DLGAP2: variants seen among roughly 807,000 people sequenced by gnomAD.
DLGAP2 encodes disks large-associated protein 2.
A neutral mutation model predicts 100.3 loss-of-function variants in DLGAP2; 26 were observed. The ratio of observed to expected loss-of-function variants is 0.26; its 90% CI spans 0.19 to 0.36. DLGAP2 has a LOEUF of 0.36. Among genes scored for constraint, DLGAP2 ranks in the 10% least tolerant of loss-of-function variants. DLGAP2 has a pLI of 1.00. For missense variants in DLGAP2, 1,858 were observed against 1,453.2 expected (o/e 1.28, Z -4.53); for synonymous variants, 886 against 630.1 (o/e 1.41, Z -6.08).
At chr8:1,071,149 C>G (rs1404116320) in intron 2 of DLGAP2, among the ~76,000 whole-genome samples, 4 of 152,182 alleles carry the variant, frequency 2.6e-5, no homozygotes, top group African/African-American at 7.2e-5. Context: ...AGCCCAGCTG[C>G]CGAGCGGAAG....
At chr8:1,410,297 G>T (rs950627944) in intron 3 of DLGAP2, among the ~76,000 whole-genome samples, 1 of 152,190 alleles carries the variant, frequency 6.6e-6, no homozygotes, top group Non-Finnish European at 1.5e-5. Context: ...GACACGGAAG[G>T]TAACATTCAC....
At chr8:1,323,915 A>T (rs983187416) in intron 3 of DLGAP2, among the ~76,000 whole-genome samples, 1 of 152,162 alleles carries the variant, frequency 6.6e-6, no homozygotes, top group East Asian at 1.9e-4. Context: ...TTTATTATTT[A>T]TGCTCTGCCT....
At chr8:799,492 A>G (rs1048441839) in intron 1 of DLGAP2, among the ~76,000 whole-genome samples, 1 of 152,178 alleles carries the variant, frequency 6.6e-6, no homozygotes, top group Non-Finnish European at 1.5e-5. Context: ...AGCTTACTTC[A>G]TGTTTTGTTT....
intron 2 of DLGAP2, among the ~76,000 whole-genome samples, chr8:912,955 C>G (rs1798519147): frequency 6.6e-6 from 1 of 152,158 alleles, no homozygotes; most frequent in Admixed American, 6.5e-5. Flanking sequence ...CCCTCAGTAG[C>G]TGCAGTTGCT....
Position 1,704,572 on chromosome 8 carries a change from C to G in DLGAP2, c.*3166C>G, listed in dbSNP as rs1585081994. ...CGATGACAATTTTTACCATAGTTTT[C>G]TCAGCAAATTTATATCACCATCTTA... On this transcript the variant is annotated 3_prime_UTR_variant, in exon 15 of 15. Transcript: ENST00000637795. 1 of 152,134 alleles carries G rather than the reference C, an allele frequency of 6.6e-6. No homozygotes were observed. Among genetic ancestry groups the G allele is most frequent in the South Asian group, 2.1e-4 (1 of 4,832 alleles). The allele number at this position is 152,134 out of a possible 1,614,324, so 9.4% of individuals were successfully genotyped here.
intron 3 of DLGAP2, among the ~76,000 whole-genome samples, chr8:1,492,307 CT>C (rs1799411274): frequency 6.6e-6 from 1 of 152,198 alleles, no homozygotes; most frequent in Admixed American, 6.5e-5. Context: ...TGTCATTGTC[CT>C]AACGGAGCAG....
At position 1,644,820 on chromosome 8, in the gene DLGAP2, G is replaced by C. The variant is rs75005090; in HGVS notation, c.1810+11774G>C. Among the ~76,000 whole-genome samples the C allele has an allele frequency of 4.1e-3, 620 of 152,230 alleles. 12 individuals are homozygous for C. In the East Asian group the frequency reaches 0.045, roughly 11 times the overall value. On this transcript the variant is annotated intron_variant, in intron 8 of 14. Transcript: ENST00000637795. ...GACACCATGGCTTTTACTCTAACAG[G>C]ATGTTCGTCTAAAAAGCATTACATT...
intron 3 of DLGAP2, among the ~76,000 whole-genome samples, chr8:1,337,245 T>C (rs1051315219): frequency 3.1e-4 from 46 of 149,864 alleles, no homozygotes; most frequent in Admixed American, 1.2e-3. Flanking sequence ...GTGAGAATGA[T>C]GGTGATGATG....
intron 4 of DLGAP2, among the ~76,000 whole-genome samples, chr8:1,518,757 G>A (rs571840643): frequency 9.2e-5 from 14 of 152,162 alleles, no homozygotes; most frequent in Non-Finnish European, 1.3e-4. Context: ...ATTGTACAGT[G>A]ATTCTGCAAA....
At chr8:928,743 C>G (rs1798874872) in intron 2 of DLGAP2, among the ~76,000 whole-genome samples, 2 of 152,172 alleles carry the variant, frequency 1.3e-5, no homozygotes, top group African/African-American at 2.4e-5. Context: ...AATCGCTGCC[C>G]TCGATGCAGG....
At chr8:772,531 C>T (rs377154147) in intron 1 of DLGAP2, among the ~76,000 whole-genome samples, 44 of 152,162 alleles carry the variant, frequency 2.9e-4, no homozygotes, top group African/African-American at 1.0e-3. Context: ...CCATGTTGGC[C>T]AGGCTTGTCT....
Position 1,701,451 on chromosome 8 carries a change from A to T in DLGAP2, c.*45A>T, listed in dbSNP as rs572279078. The T allele has an allele frequency of 1.1e-5, 17 of 1,534,600 alleles. No individual in the cohort carries two copies. In the South Asian group the frequency reaches 1.9e-4, roughly 17 times the overall value. On this transcript the variant is annotated 3_prime_UTR_variant, in exon 15 of 15. Transcript: ENST00000637795. ...CCCCTCGTCGCTTCCGCTTTCCCGGACGCTTGTGCAGCGCGGCGCCGCCCT... is the reference window on the plus strand; with the variant it reads ...CCCCTCGTCGCTTCCGCTTTCCCGGTCGCTTGTGCAGCGCGGCGCCGCCCT...
At chr8:1,631,474 A>C (rs1797644093) in intron 7 of DLGAP2, among the ~76,000 whole-genome samples, 1 of 152,170 alleles carries the variant, frequency 6.6e-6, no homozygotes, top group Non-Finnish European at 1.5e-5. Flanking sequence ...TGGTCCAGAA[A>C]AACATCCTGT....
intron 1 of DLGAP2, among the ~76,000 whole-genome samples, chr8:799,186 C>T (rs1249289318): frequency 6.6e-6 from 1 of 152,202 alleles, no homozygotes; most frequent in African/African-American, 2.4e-5. Context: ...CAGGCCTTCT[C>T]TCTGGGTTTC....
intron 2 of DLGAP2, among the ~76,000 whole-genome samples, chr8:1,080,631 C>T (rs754214579): frequency 8.5e-5 from 13 of 152,306 alleles, no homozygotes; most frequent in Non-Finnish European, 1.6e-4. Flanking sequence ...GAACAGGGAC[C>T]TGGGCCCTGC....
At chr8:740,582 C>T (rs560395036) in intron 1 of DLGAP2, among the ~76,000 whole-genome samples, 3 of 152,252 alleles carry the variant, frequency 2.0e-5, no homozygotes, top group East Asian at 3.9e-4. Context: ...AAATAGGCTT[C>T]GTGGAATTTA....
At chr8:1,234,949 C>T (rs991037056) in intron 2 of DLGAP2, among the ~76,000 whole-genome samples, 5 of 152,232 alleles carry the variant, frequency 3.3e-5, no homozygotes, top group African/African-American at 1.2e-4. Context: ...GTCTGCTTCT[C>T]TCTCACATGC....
chr8:1,178,255 C>G (rs1179392129), intron 2 of DLGAP2, among the ~76,000 whole-genome samples: 1 of 152,206 alleles, frequency 6.6e-6, no homozygotes, highest in Non-Finnish European at 1.5e-5. Flanking sequence ...CACGTGATAG[C>G]ATTTGGTGGG....
chr8:1,417,834 A>G (rs2129919557), intron 3 of DLGAP2, among the ~76,000 whole-genome samples: 1 of 152,182 alleles, frequency 6.6e-6, no homozygotes, highest in East Asian at 1.9e-4. Context: ...GAAGAATTCG[A>G]TTATTACCTC....
Sources: gnomAD v4.1 joint callset for allele counts (sites outside exome capture counted in the v4.1 genomes callset) on GRCh38, gnomAD v4.1.1 for gene constraint, MANE v1.5 for transcripts, NCBI Gene and HGNC (gene_info 2026-07-23, HGNC 2026-07-21) for gene names.